Variants in LHX6 observed in about 807,000 individuals in gnomAD.
LHX6 encodes LIM/homeobox protein Lhx6.
A neutral mutation model predicts 47.1 loss-of-function variants in LHX6; 15 were observed. The ratio of observed to expected loss-of-function variants is 0.32; its 90% CI spans 0.21 to 0.49. The LOEUF (loss-of-function observed/expected upper bound fraction) is 0.49, where lower values mean the gene tolerates loss of function less well. LHX6 is among the 20% of genes least tolerant of loss of function. The pLI, the probability that LHX6 is intolerant of heterozygous loss-of-function variation, is 0.99. For missense variants in LHX6, 404 were observed against 539.6 expected (o/e 0.75, Z 2.49); for synonymous variants, 242 against 233.5 (o/e 1.04, Z -0.33).
At chr9:122,216,814 A>G (rs931563594) in intron 5 of LHX6, among the ~76,000 whole-genome samples, 8 of 152,176 alleles carry the variant, frequency 5.3e-5, no homozygotes, top group Admixed American at 2.0e-4. Context: ...ATCTTTGGGA[A>G]GGTGTTCTGT....
chr9:122,228,480 T>TCC, intron 1 of LHX6, 177 bp downstream of exon 1: 2 of 1,320,018 alleles, frequency 1.5e-6, no homozygotes, highest in South Asian at 1.6e-5. Flanking sequence ...GTTCCCGCTT[T>TCC]CCGCGACCCC....
chr9:122,226,225 G>A lies in LHX6; in HGVS notation c.461+151C>T, dbSNP rs1831090698. 1.9e-6 allele frequency: 2 copies of A among 1,049,326 alleles called. No individual in the cohort carries two copies. The highest frequency in any genetic ancestry group is 1.6e-5 in the African/African-American group (1 of 61,264). 65.0% of individuals were successfully genotyped at this position (1,049,326 alleles called of 1,614,324 possible). ...CCTGGAGCTCTGGGTTCGCGCCGCTGAGCGCCGGCAGGTTGGACCAGCGCT... is the reference window on the plus strand; with the variant it reads ...CCTGGAGCTCTGGGTTCGCGCCGCTAAGCGCCGGCAGGTTGGACCAGCGCT... On this transcript the variant is annotated intron_variant, in intron 4 of 9. Transcript: ENST00000394319. The surrounding 1 kb of genome is among the most constrained non-coding windows in gnomAD (Gnocchi z 6.5).
Position 122,226,731 on chromosome 9 carries a change from T to C in LHX6, c.339+117A>G, listed in dbSNP as rs1831118282. ...CTAAGTCTTGCCCAAAGCTTCGCAG[T>C]CGGGCAGCAGTGGAGCCAGGATTTG... On this transcript the variant is annotated intron_variant, in intron 3 of 9. Coordinates refer to ENST00000394319, the MANE Select transcript of LHX6 (RefSeq NM_014368.5). This position sits in a 1 kb window ranked among gnomAD's most constrained non-coding sequence, Gnocchi z 6.5. The C allele has an allele frequency of 3.1e-6, 4 of 1,307,486 alleles. No individual in the cohort carries two copies. Among genetic ancestry groups the C allele is most frequent in the Non-Finnish European group, 4.1e-6 (4 of 967,986 alleles). 81.0% of individuals were successfully genotyped at this position (1,307,486 alleles called of 1,614,324 possible).
chr9:122,226,231 CG>C lies in LHX6; in HGVS notation c.461+144del, dbSNP rs1357202498. 1.0e-5 allele frequency: 11 copies of C among 1,095,576 alleles called. No homozygotes were observed. Among genetic ancestry groups the C allele is most frequent in the Non-Finnish European group, 1.4e-5 (11 of 790,926 alleles). 67.9% of individuals were successfully genotyped at this position (1,095,576 alleles called of 1,614,324 possible). ...GCTCTGGGTTCGCGCCGCTGAGCGCCGGCAGGTTGGACCAGCGCTGCGCGCC... is the reference window on the plus strand; with the variant it reads ...GCTCTGGGTTCGCGCCGCTGAGCGCCGCAGGTTGGACCAGCGCTGCGCGCC... On this transcript the variant is annotated intron_variant, in intron 4 of 9. Coordinates refer to ENST00000394319, the MANE Select transcript of LHX6 (RefSeq NM_014368.5). The surrounding 1 kb of genome is among the most constrained non-coding windows in gnomAD (Gnocchi z 6.5).
rs1260839621 is a variant in LHX6 at position 122,213,205 on chromosome 9, C to A, written c.1054+401G>T. Among the ~76,000 whole-genome samples, 2 of 152,064 alleles carry A rather than the reference C, an allele frequency of 1.3e-5. No homozygotes were observed. The highest frequency in any genetic ancestry group is 4.8e-5 in the African/African-American group (2 of 41,394). ...CCCGCAGCATCTCCAGTCACTCCTACCCAGCACCTTTCCTACAGGAATCAT... is the reference window on the plus strand; with the variant it reads ...CCCGCAGCATCTCCAGTCACTCCTAACCAGCACCTTTCCTACAGGAATCAT... On this transcript the variant is annotated intron_variant, in intron 8 of 9. Coordinates refer to ENST00000394319, the MANE Select transcript of LHX6 (RefSeq NM_014368.5). This position sits in a 1 kb window ranked among gnomAD's most constrained non-coding sequence, Gnocchi z 5.5.
intron 9 of LHX6, among the ~76,000 whole-genome samples, chr9:122,206,277 T>TG (rs1830176302): frequency 6.6e-6 from 1 of 151,664 alleles, no homozygotes; most frequent in Admixed American, 6.6e-5. Flanking sequence ...TCTAGATGAG[T>TG]GGGTTCAGGG....
rs562890163 is a variant in LHX6, at chr9:122,211,234, G to A, written c.1055-1517C>T. Reference sequence around the variant, plus strand: ...GACACTTACAACTGATATATAAACCGGGACAATTCACTGTGCCCTTCTGAG... The same window carrying A: ...GACACTTACAACTGATATATAAACCAGGACAATTCACTGTGCCCTTCTGAG... On this transcript the variant is annotated intron_variant, in intron 8 of 9. Transcript: ENST00000394319. Among the ~76,000 whole-genome samples the A allele has an allele frequency of 2.6e-5, 4 of 152,224 alleles. 1 individual carries two copies. The highest frequency in any genetic ancestry group is 9.6e-5 in the African/African-American group (4 of 41,522).
intron 4 of LHX6, among the ~76,000 whole-genome samples, chr9:122,222,358 T>C (rs1048827529): frequency 3.9e-5 from 6 of 152,306 alleles, no homozygotes; most frequent in Admixed American, 3.9e-4. Flanking sequence ...GAAAGAAAAA[T>C]GGTCTTCACC....
Position 122,226,441 on chromosome 9 carries a change from C to T in LHX6, c.396G>A (p.Ser132=), listed in dbSNP as rs150186287. The T allele has an allele frequency of 1.8e-5, 29 of 1,613,608 alleles. No individual in the cohort carries two copies. In the African/African-American group the frequency reaches 3.6e-4, roughly 20 times the overall value. The part of the protein sequence containing the change: ...RCLECSVCRT[S]LRQQNSCYIK... Reference sequence around the variant, plus strand: ...TGTAGCAGCTGTTCTGCTGCCTCAGCGACGTGCGACACACGGAGCACTCGA... The same window carrying T: ...TGTAGCAGCTGTTCTGCTGCCTCAGTGACGTGCGACACACGGAGCACTCGA... The change falls in exon 4 of 10, where the codon TCG becomes TCA. Residue 132 remains serine (S), a synonymous_variant. Transcript: ENST00000394319. This position sits in a 1 kb window ranked among gnomAD's most constrained non-coding sequence, Gnocchi z 6.5.
chr9:122,216,953 A>C (rs1173296355), intron 5 of LHX6, 115 bp downstream of exon 5: 1 of 845,022 alleles, frequency 1.2e-6, no homozygotes, highest in Non-Finnish European at 1.9e-6. Context: ...TGCCTGCGGG[A>C]CTATACCGGG....
In LHX6 at chr9:122,213,587, C is replaced by T. The variant is rs750456770; in HGVS notation, c.1054+19G>A. The T allele has an allele frequency of 2.6e-6, 4 of 1,540,492 alleles. No individual in the cohort carries two copies. Among genetic ancestry groups the T allele is most frequent in the African/African-American group, 2.7e-5 (2 of 72,978 alleles). ...CCCTCCCCGCAGGCCCAGCGGCTCC[C>T]GGCGCTGCGGTTACTTACTCTCAAT... On this transcript the variant is annotated intron_variant, in intron 8 of 9. Coordinates refer to ENST00000394319, the MANE Select transcript of LHX6 (RefSeq NM_014368.5). This position sits in a 1 kb window ranked among gnomAD's most constrained non-coding sequence, Gnocchi z 5.5.
At position 122,226,513 on chromosome 9, in the gene LHX6, G is replaced by T. The variant is rs1230707468; in HGVS notation, c.340-16C>A. ...GGTTGTTGACCTGGGGACGGGGCGGGGACGGAGGTCGGCTCAGCGCGGGCC... is the reference window on the plus strand; with the variant it reads ...GGTTGTTGACCTGGGGACGGGGCGGTGACGGAGGTCGGCTCAGCGCGGGCC... On this transcript the variant is annotated splice_polypyrimidine_tract_variant and intron_variant, in intron 3 of 9. Coordinates refer to ENST00000394319, the MANE Select transcript of LHX6 (RefSeq NM_014368.5). This position sits in a 1 kb window ranked among gnomAD's most constrained non-coding sequence, Gnocchi z 6.5. 6.2e-7 allele frequency: 1 copy of T among 1,611,386 alleles called. No individual in the cohort carries two copies. Among genetic ancestry groups the T allele is most frequent in the South Asian group, 1.1e-5 (1 of 90,864 alleles).
chr9:122,215,342 G>A (rs4837949), intron 5 of LHX6, among the ~76,000 whole-genome samples: 86,523 of 152,050 alleles, frequency 0.57, 24,858 homozygotes, highest in Middle Eastern at 0.62. Flanking sequence ...TTTGCTTACC[G>A]TCTTTTCTAA....
At chr9:122,220,972 C>T (rs1424508271) in intron 4 of LHX6, 2 of 467,252 alleles carry the variant, frequency 4.3e-6, no homozygotes, top group Non-Finnish European at 5.6e-6. Flanking sequence ...CACCTCGACC[C>T]CTTCTCCCAC....
At chr9:122,218,110 C>T (rs1478664065) in intron 4 of LHX6, among the ~76,000 whole-genome samples, 1 of 152,184 alleles carries the variant, frequency 6.6e-6, no homozygotes, top group Non-Finnish European at 1.5e-5. Context: ...TCTCCTTCTC[C>T]CTTCTGGTTT....
chr9:122,225,744 C>A (rs1415000008), intron 4 of LHX6, among the ~76,000 whole-genome samples: 1 of 152,236 alleles, frequency 6.6e-6, no homozygotes, highest in Non-Finnish European at 1.5e-5. Context: ...ACTCCAGTGA[C>A]GCCGGGGAAT....
At chr9:122,209,547 A>T in intron 9 of LHX6, 67 bp downstream of exon 9, 1 of 1,606,348 alleles carries the variant, frequency 6.2e-7, no homozygotes, top group Non-Finnish European at 8.5e-7. Flanking sequence ...TTAACAGAGG[A>T]TGCTGCCAGA....
In LHX6 at chr9:122,213,616, G is replaced by A. The variant is rs746787054; in HGVS notation, c.1044C>T (p.Gly348=). 1.3e-6 allele frequency: 2 copies of A among 1,596,688 alleles called. No homozygotes were observed. Among genetic ancestry groups the A allele is most frequent in the Non-Finnish European group, 1.7e-6 (2 of 1,172,172 alleles). The change falls in exon 8 of 10, where the codon GGC becomes GGT. Residue 348 remains glycine, a synonymous_variant. Coordinates refer to ENST00000394319, the MANE Select transcript of LHX6 (RefSeq NM_014368.5). This position sits in a 1 kb window ranked among gnomAD's most constrained non-coding sequence, Gnocchi z 5.5. ...GCTGCGGTTACTTACTCTCAATGTA[G>A]CCGTGCAGGGTGACCATGCGCGCCC... ...PERARMVTLH[G]YIESQVQCGQ... is the part of the protein sequence containing the mutation.
At chr9:122,216,706 G>A (rs990104767) in intron 5 of LHX6, among the ~76,000 whole-genome samples, 3 of 152,070 alleles carry the variant, frequency 2.0e-5, no homozygotes, top group Admixed American at 1.3e-4. Context: ...AGGCCAATGA[G>A]AGCTGTCCAA....
Sources: gnomAD v4.1 joint callset for allele counts (sites outside exome capture counted in the v4.1 genomes callset) on GRCh38, gnomAD v4.1.1 for gene constraint, Gnocchi (gnomAD v3.1) non-coding constraint, MANE v1.5 for transcripts, NCBI Gene and HGNC (gene_info 2026-07-23, HGNC 2026-07-21) for gene names.